The following KCTD1 variants were observed in gnomAD, a reference collection of about 807,000 sequenced individuals.
The protein encoded by KCTD1 is BTB/POZ domain-containing protein KCTD1.
In KCTD1, 24 loss-of-function variants were observed where a neutral mutation model predicts 66.0. That is an observed-to-expected ratio of 0.36 (90% confidence interval 0.26 to 0.51). The LOEUF (loss-of-function observed/expected upper bound fraction) is 0.51. Ranked by LOEUF, KCTD1 falls within the 20% of genes least tolerant of loss-of-function variation. The pLI is 0.95. For missense variants in KCTD1, 943 were observed against 1,205.2 expected (o/e 0.78, Z 3.22); for synonymous variants, 511 against 517.2 (o/e 0.99, Z 0.16).
At chr18:26,601,326 T>TTAAAAA (rs1555646203) in intron 1 of KCTD1, among the ~76,000 whole-genome samples, 4,782 of 93,168 alleles carry the variant, frequency 0.051, 242 homozygotes, top group South Asian at 0.1. Flanking sequence ...TGTTCATTGG[T>TTAAAAA]AAAAAAAAAA....
At chr18:26,515,963 T>C (rs1983634916) in intron 1 of KCTD1, among the ~76,000 whole-genome samples, 1 of 152,080 alleles carries the variant, frequency 6.6e-6, no homozygotes, top group Non-Finnish European at 1.5e-5. Flanking sequence ...AGACACAGTA[T>C]ATAATGCCAA....
At chr18:26,541,442 C>A (rs1044370586) in intron 1 of KCTD1, among the ~76,000 whole-genome samples, 1 of 152,160 alleles carries the variant, frequency 6.6e-6, no homozygotes, top group Non-Finnish European at 1.5e-5. Context: ...AATTCTGTTA[C>A]CCAAAGCTTG....
At chr18:26,507,912 T>G (rs58791434) in intron 1 of KCTD1, among the ~76,000 whole-genome samples, 8,474 of 152,160 alleles carry the variant, frequency 0.056, 466 homozygotes, top group African/African-American at 0.14. Context: ...TTGATCTGAG[T>G]GGTGACACAG....
chr18:26,554,045 TGAAA>T (rs1985642022), intron 1 of KCTD1, among the ~76,000 whole-genome samples: 1 of 96,052 alleles, frequency 1.0e-5, no homozygotes, highest in African/African-American at 4.2e-5. Flanking sequence ...AAGGAAAGAA[TGAAA>T]GAAATAGGAA....
At chr18:26,616,996 C>A (rs931293547) in intron 1 of KCTD1, among the ~76,000 whole-genome samples, 2 of 152,184 alleles carry the variant, frequency 1.3e-5, no homozygotes, top group African/African-American at 2.4e-5. Flanking sequence ...AACAAGCAAA[C>A]CTTGCCATTA....
chr18:26,524,100 T>C (rs1984042780), intron 1 of KCTD1, among the ~76,000 whole-genome samples: 1 of 152,200 alleles, frequency 6.6e-6, no homozygotes, highest in Non-Finnish European at 1.5e-5. Flanking sequence ...CTAATGCAAA[T>C]ACCTTGAGCC....
intron 1 of KCTD1, among the ~76,000 whole-genome samples, chr18:26,560,240 A>G (rs1355679876): frequency 1.3e-5 from 2 of 152,024 alleles, no homozygotes; most frequent in African/African-American, 2.4e-5. Context: ...TTTGTGTATG[A>G]CAAACATTCT....
intron 1 of KCTD1, among the ~76,000 whole-genome samples, chr18:26,570,184 T>TTAA (rs1555643812): frequency 3.3e-5 from 4 of 120,918 alleles, no homozygotes; most frequent in Non-Finnish European, 6.8e-5. Flanking sequence ...AGACTCCATC[T>TTAA]AAAAAAAATA....
intron 1 of KCTD1, among the ~76,000 whole-genome samples, chr18:26,585,594 C>T (rs1313243039): frequency 2.6e-5 from 4 of 152,120 alleles, no homozygotes; most frequent in South Asian, 2.1e-4. Context: ...AGACCAGGTA[C>T]AATACCAAGA....
intron 1 of KCTD1, among the ~76,000 whole-genome samples, chr18:26,530,803 T>G (rs1438551576): frequency 1.3e-5 from 2 of 152,218 alleles, no homozygotes; most frequent in African/African-American, 4.8e-5. Context: ...GGTTTTTTTC[T>G]TTATGTGCTA....
At chr18:26,495,370 C>T (rs1982415546) in intron 2 of KCTD1, among the ~76,000 whole-genome samples, 1 of 152,078 alleles carries the variant, frequency 6.6e-6, no homozygotes, top group African/African-American at 2.4e-5. Context: ...TCTGAATTTC[C>T]TTTTGGTGTA....
intron 1 of KCTD1, among the ~76,000 whole-genome samples, chr18:26,613,004 T>C (rs943172780): frequency 2.6e-5 from 4 of 152,182 alleles, no homozygotes; most frequent in African/African-American, 4.8e-5. Context: ...GTGTCACTGT[T>C]TCATATTCTG....
chr18:26,474,321 C>T (rs753859923), intron 3 of KCTD1, among the ~76,000 whole-genome samples: 16 of 152,104 alleles, frequency 1.1e-4, no homozygotes, highest in Non-Finnish European at 1.9e-4. Context: ...AATAAACATC[C>T]TATATATAAA....
chr18:26,485,935 CTT>C (rs372930779), intron 2 of KCTD1, among the ~76,000 whole-genome samples: 61 of 136,532 alleles, frequency 4.5e-4, no homozygotes, highest in Admixed American at 6.7e-4. Context: ...TAATTTAATC[CTT>C]TTTTTTTTTT....
At chr18:26,523,064 T>C (rs1193369474) in intron 1 of KCTD1, among the ~76,000 whole-genome samples, 1 of 152,220 alleles carries the variant, frequency 6.6e-6, no homozygotes, top group African/African-American at 2.4e-5. Flanking sequence ...TTAAAGTTAC[T>C]CAAAAATTAC....
intron 1 of KCTD1, among the ~76,000 whole-genome samples, chr18:26,519,776 GAGAA>G (rs1983825426): frequency 6.6e-6 from 1 of 152,226 alleles, no homozygotes. Flanking sequence ...CAAGAATAAA[GAGAA>G]AGACGGGAGG....
chr18:26,553,089 C>A (rs528222828), upstream of KCTD1, among the ~76,000 whole-genome samples: 20 of 151,236 alleles, frequency 1.3e-4, no homozygotes, highest in African/African-American at 4.9e-4. Flanking sequence ...TTCCTGGGCT[C>A]AAGTGATCCT....
intron 1 of KCTD1, among the ~76,000 whole-genome samples, chr18:26,558,095 A>G (rs1985751454): frequency 6.6e-6 from 1 of 152,234 alleles, no homozygotes; most frequent in South Asian, 2.1e-4. Flanking sequence ...CAGGACAGTG[A>G]TCATGGAACT....
At chr18:26,643,759 G>A (rs184640408), upstream of KCTD1, among the ~76,000 whole-genome samples, 8 of 152,218 alleles carry the variant, frequency 5.3e-5, no homozygotes, top group Middle Eastern at 3.4e-3. Context: ...TCAGGAGATG[G>A]AGACCATCCT....
Sources: gnomAD v4.1 joint callset for allele counts (sites outside exome capture counted in the v4.1 genomes callset) on GRCh38, gnomAD v4.1.1 for gene constraint, MANE v1.5 for transcripts, NCBI Gene and HGNC (gene_info 2026-07-23, HGNC 2026-07-21) for gene names.